Variants in COG5 observed in about 807,000 individuals in gnomAD.
COG5 encodes the protein component of oligomeric golgi complex 5, also known as conserved oligomeric Golgi complex subunit 5.
A neutral mutation model predicts 110.4 loss-of-function variants in COG5; 86 were observed. The observed-to-expected ratio is 0.78, with a 90% CI of 0.65 to 0.93. The LOEUF (loss-of-function observed/expected upper bound fraction) is 0.93, where lower values mean the gene tolerates loss of function less well. COG5 is among the 40% of genes least tolerant of loss of function. The pLI is 0.00. For missense variants in COG5, 1,077 were observed against 987.0 expected (o/e 1.09, Z -1.22); for synonymous variants, 360 against 334.6 (o/e 1.08, Z -0.83).
chr7:107,546,443 T>TG, intron 5 of COG5, among the ~76,000 whole-genome samples: 2 of 147,244 alleles, frequency 1.4e-5, no homozygotes, highest in East Asian at 2.0e-4. Flanking sequence ...TTGTTTTTTT[T>TG]TTTTTTTTTT....
chr7:107,563,595 C>G (rs1223465665), intron 1 of COG5: 1 of 624,012 alleles, frequency 1.6e-6, no homozygotes, highest in Non-Finnish European at 2.9e-6. Flanking sequence ...AACCAAGTGT[C>G]CCCAAGACTC....
At chr7:107,411,092 G>A (rs1024172242) in intron 7 of COG5, among the ~76,000 whole-genome samples, 33 of 152,116 alleles carry the variant, frequency 2.2e-4, no homozygotes, top group African/African-American at 5.6e-4. Context: ...AAAAGGATTA[G>A]GAGATGAAAA....
intron 7 of COG5, among the ~76,000 whole-genome samples, chr7:107,395,358 C>T (rs978995548): frequency 1.3e-5 from 2 of 151,872 alleles, no homozygotes; most frequent in African/African-American, 4.8e-5. Flanking sequence ...CAACACATTC[C>T]CAACTCACTG....
At chr7:107,505,957 C>A (rs1054321888) in intron 6 of COG5, among the ~76,000 whole-genome samples, 7 of 152,180 alleles carry the variant, frequency 4.6e-5, no homozygotes, top group African/African-American at 1.7e-4. Flanking sequence ...GCAGTGGGTA[C>A]CAGTACCAGC....
intron 6 of COG5, among the ~76,000 whole-genome samples, chr7:107,520,661 G>C (rs986969347): frequency 2.6e-5 from 4 of 152,010 alleles, no homozygotes; most frequent in African/African-American, 9.7e-5. Context: ...AAACTAATAA[G>C]AAAACATTCC....
At chr7:107,457,578 GC>G (rs1264885695) in intron 6 of COG5, among the ~76,000 whole-genome samples, 1 of 151,854 alleles carries the variant, frequency 6.6e-6, no homozygotes, top group Non-Finnish European at 1.5e-5. Flanking sequence ...ACAGGTGCCC[GC>G]CACCATGCCC....
At chr7:107,512,121 T>C (rs1799563086) in intron 6 of COG5, among the ~76,000 whole-genome samples, 1 of 152,188 alleles carries the variant, frequency 6.6e-6, no homozygotes, top group Non-Finnish European at 1.5e-5. Context: ...TGTTTGCAGA[T>C]GACATGATTG....
chr7:107,492,946 C>G (rs919888603), intron 6 of COG5, among the ~76,000 whole-genome samples: 3 of 152,264 alleles, frequency 2.0e-5, no homozygotes, highest in Middle Eastern at 3.4e-3. Flanking sequence ...ATGTCATGAT[C>G]TGCTGTAGTC....
rs71134258 is a variant in COG5, at chr7:107,258,425, TTCTC to T, written c.1576-46_1576-43del. The T allele has an allele frequency of 4.3e-3, 3,696 of 861,106 alleles. 3 individuals carry two copies. Among genetic ancestry groups the T allele is most frequent in the Non-Finnish European group, 4.2e-3 (2,220 of 530,708 alleles). The allele number at this position is 861,106 out of a possible 1,614,324, so 53.3% of individuals were successfully genotyped here. On this transcript the variant is annotated intron_variant, in intron 14 of 21. Coordinates refer to ENST00000297135, the MANE Select transcript of COG5 (RefSeq NM_006348.5). ...TCAAAAGAATGTGTCAGAATGATAA[TTCTC>T]TCTCTCTCTCTCTCTCTCTCTCACA...
At chr7:107,255,253 C>G (rs1176561865) in intron 16 of COG5, among the ~76,000 whole-genome samples, 1 of 151,996 alleles carries the variant, frequency 6.6e-6, no homozygotes, top group East Asian at 1.9e-4. Flanking sequence ...ATACATATGC[C>G]AACCTTACTA....
chr7:107,445,200 CA>C (rs934894148), intron 6 of COG5, among the ~76,000 whole-genome samples: 1 of 149,858 alleles, frequency 6.7e-6, no homozygotes, highest in African/African-American at 2.4e-5. Context: ...GACCCTGTCT[CA>C]AAAAAAAATG....
intron 6 of COG5, among the ~76,000 whole-genome samples, chr7:107,515,083 A>T (rs1031355979): frequency 3.3e-5 from 5 of 152,206 alleles, no homozygotes; most frequent in Middle Eastern, 3.2e-3. Context: ...ATTGTTTGAT[A>T]AATAAATTAA....
chr7:107,258,206 A>G, intron 15 of COG5, 67 bp downstream of exon 15: 2 of 928,648 alleles, frequency 2.2e-6, no homozygotes, highest in South Asian at 1.4e-5. Flanking sequence ...AACAATTTGT[A>G]AACTGTCCAA....
chr7:107,550,100 T>C (rs73724525), intron 3 of COG5, among the ~76,000 whole-genome samples: 2,055 of 152,222 alleles, frequency 0.013, 56 homozygotes, highest in African/African-American at 0.046. Context: ...ATCACACTTC[T>C]CTCCAGGCTA....
chr7:107,419,824 T>A (rs1793150048), intron 6 of COG5, among the ~76,000 whole-genome samples: 1 of 152,164 alleles, frequency 6.6e-6, no homozygotes, highest in South Asian at 2.1e-4. Context: ...CGCCTCGGCC[T>A]CCCAAAGTGC....
chr7:107,303,040 G>A (rs1807406457), intron 11 of COG5, among the ~76,000 whole-genome samples: 1 of 152,160 alleles, frequency 6.6e-6, no homozygotes, highest in African/African-American at 2.4e-5. Flanking sequence ...CTAGCACAGT[G>A]CCTTGTAATA....
At chr7:107,217,219 CAAT>C (rs1799595662) in intron 19 of COG5, among the ~76,000 whole-genome samples, 1 of 151,746 alleles carries the variant, frequency 6.6e-6, no homozygotes, top group African/African-American at 2.4e-5. Flanking sequence ...CTGAGCAGAC[CAAT>C]AATGAGTAAA....
chr7:107,450,854 A>T (rs1233483127), intron 6 of COG5, among the ~76,000 whole-genome samples: 1 of 152,134 alleles, frequency 6.6e-6, no homozygotes, highest in African/African-American at 2.4e-5. Context: ...CCTTGCCTTA[A>T]AGTTATTTTG....
chr7:107,441,543 C>T (rs1487179978), intron 6 of COG5, among the ~76,000 whole-genome samples: 3 of 152,186 alleles, frequency 2.0e-5, no homozygotes, highest in Non-Finnish European at 4.4e-5. Context: ...CCAGAGCTTA[C>T]ATTTTAGTCA....
Sources: allele counts gnomAD v4.1 joint callset (sites outside exome capture counted in the v4.1 genomes callset), GRCh38; gene constraint gnomAD v4.1.1; transcripts MANE v1.5; gene names NCBI Gene and HGNC (gene_info 2026-07-23, HGNC 2026-07-21).